ZBTB46: variants seen among roughly 807,000 people sequenced by gnomAD.
ZBTB46 encodes zinc finger and BTB domain-containing protein 46.
ZBTB46 carries 8 observed loss-of-function variants against 44.1 expected under a neutral mutation model. That is an observed-to-expected ratio of 0.18 (90% confidence interval 0.11 to 0.33). ZBTB46 has a LOEUF of 0.33. Among genes scored for constraint, ZBTB46 ranks in the 10% least tolerant of loss-of-function variants. The pLI is 1.00. For missense variants in ZBTB46, 651 were observed against 847.7 expected (o/e 0.77, Z 2.88); for synonymous variants, 409 against 382.3 (o/e 1.07, Z -0.81).
At chr20:63,815,098 A>G (rs575710735) in intron 1 of ZBTB46, 2 of 194,988 alleles carry the variant, frequency 1.0e-5, no homozygotes, top group Non-Finnish European at 2.2e-5. Context: ...GCTATTCTGA[A>G]AAGGGGCCAC....
At chr20:63,794,763 T>C (rs1259175815) in intron 1 of ZBTB46, among the ~76,000 whole-genome samples, 1 of 152,138 alleles carries the variant, frequency 6.6e-6, no homozygotes, top group Non-Finnish European at 1.5e-5. Flanking sequence ...GTATTCTGTG[T>C]GGGAAGCACC....
rs191816081 is a variant in ZBTB46, at chr20:63,758,649, C to T, written c.1223-5788G>A. 5.9e-5 allele frequency among the ~76,000 whole-genome samples: 9 copies of T among 152,196 alleles called. No individual in the cohort carries two copies. In the East Asian group the frequency reaches 7.7e-4, roughly 13 times the overall value. On this transcript the variant is annotated intron_variant, in intron 3 of 4. Coordinates refer to ENST00000245663, the MANE Select transcript of ZBTB46 (RefSeq NM_001369741.1). ...AGCAGTCAGTTTACTCACACACGCA[C>T]GCGCACGGGCACTCACACACCCCTC...
At chr20:63,816,819 G>A (rs1001768260) in intron 1 of ZBTB46, among the ~76,000 whole-genome samples, 2 of 152,136 alleles carry the variant, frequency 1.3e-5, no homozygotes, top group Non-Finnish European at 2.9e-5. Flanking sequence ...AAAGGAAAAG[G>A]CCAGGCCTGG....
At chr20:63,790,881 C>T (rs1394914258) in intron 1 of ZBTB46, 91 bp from the exon 2 acceptor site, 2 of 1,438,582 alleles carry the variant, frequency 1.4e-6, no homozygotes, top group Non-Finnish European at 1.8e-6. Context: ...CCATGGGGCA[C>T]AGAGTGCGGC....
upstream of ZBTB46, among the ~76,000 whole-genome samples, chr20:63,833,868 A>AC (rs2092862594): frequency 6.6e-6 from 1 of 152,216 alleles, no homozygotes; most frequent in Non-Finnish European, 1.5e-5. Flanking sequence ...GAGCTGATAA[A>AC]CCCCATTACT....
chr20:63,830,989 G>C (rs1237320968), intron 1 of ZBTB46, 108 bp downstream of exon 1: 2 of 142,754 alleles, frequency 1.4e-5, no homozygotes, highest in Non-Finnish European at 3.1e-5. Context: ...GGCGGCGGGG[G>C]CGCGCCCGGG....
chr20:63,829,972 T>C (rs929738889), intron 1 of ZBTB46, among the ~76,000 whole-genome samples: 6 of 152,242 alleles, frequency 3.9e-5, no homozygotes, highest in Non-Finnish European at 5.9e-5. Flanking sequence ...ACGTTTCTAA[T>C]TAGCATTTCT....
intron 1 of ZBTB46, among the ~76,000 whole-genome samples, chr20:63,829,142 C>T (rs145473760): frequency 0.01 from 1,554 of 152,290 alleles, 15 homozygotes; most frequent in Middle Eastern, 0.024. Flanking sequence ...CTGTGACCAC[C>T]AGGGGCTGGG....
intron 2 of ZBTB46, among the ~76,000 whole-genome samples, chr20:63,781,881 C>T (rs1317582211): frequency 1.3e-5 from 2 of 151,674 alleles, no homozygotes; most frequent in East Asian, 1.9e-4. Context: ...GTCAGGAGAT[C>T]GAGACCATCC....
rs1450019289 is a variant in ZBTB46, at chr20:63,745,536, C to G, written c.*1394G>C. ...AAACTCTTTCCACGCAGCCCTGAAG[C>G]TCAGCACTCCGGGGGGTCTTCACAC... On this transcript the variant is annotated 3_prime_UTR_variant, in exon 5 of 5. Transcript: ENST00000245663. 1 of 152,318 alleles carries G rather than the reference C, an allele frequency of 6.6e-6. No homozygotes were observed. The highest frequency in any genetic ancestry group is 1.5e-5 in the Non-Finnish European group (1 of 68,086). 9.4% of individuals were successfully genotyped at this position (152,318 alleles called of 1,614,324 possible). A position where few individuals can be genotyped will look rare whatever the true frequency, so the allele number is the denominator to read the frequency against.
intron 3 of ZBTB46, among the ~76,000 whole-genome samples, chr20:63,765,054 T>C (rs1242515777): frequency 7.2e-6 from 1 of 139,602 alleles, no homozygotes; most frequent in Admixed American, 7.2e-5. Context: ...CGTGTGTGTG[T>C]ATGTTTGTAT....
intron 2 of ZBTB46, among the ~76,000 whole-genome samples, chr20:63,785,470 GA>G (rs558671920): frequency 1.9e-3 from 289 of 152,188 alleles, no homozygotes; most frequent in African/African-American, 6.7e-3. Flanking sequence ...TGAGGCAGGA[GA>G]ATCACTTGAA....
At chr20:63,833,808 C>T (rs531560731), upstream of ZBTB46, among the ~76,000 whole-genome samples, 11 of 152,336 alleles carry the variant, frequency 7.2e-5, no homozygotes, top group African/African-American at 2.4e-4. Flanking sequence ...AGAACCAAGA[C>T]CGGTCTCAGA....
chr20:63,811,392 C>T (rs909675580), intron 1 of ZBTB46, among the ~76,000 whole-genome samples: 1 of 152,220 alleles, frequency 6.6e-6, no homozygotes. Context: ...ATACAGAAGA[C>T]ACTACAGCCC....
chr20:63,804,717 C>G (rs1056951667), intron 1 of ZBTB46, among the ~76,000 whole-genome samples: 1 of 151,926 alleles, frequency 6.6e-6, no homozygotes, highest in Non-Finnish European at 1.5e-5. Flanking sequence ...CATGGTGAAA[C>G]CCCGTCTCTA....
At chr20:63,769,033 G>A (rs1038603586) in intron 3 of ZBTB46, among the ~76,000 whole-genome samples, 1 of 152,210 alleles carries the variant, frequency 6.6e-6, no homozygotes, top group African/African-American at 2.4e-5. Context: ...TTGCAAAAGC[G>A]AATAACTCGG....
At position 63,761,145 on chromosome 20, in the gene ZBTB46, C is replaced by A. The variant is rs935683977; in HGVS notation, c.1223-8284G>T. On this transcript the variant is annotated intron_variant, in intron 3 of 4. Coordinates refer to ENST00000245663, the MANE Select transcript of ZBTB46 (RefSeq NM_001369741.1). Reference sequence around the variant, plus strand: ...TCCCGAGTAGCTGGGATTACAGGCACCCACCACCATACCCGGCTAATTTTT... The same window carrying A: ...TCCCGAGTAGCTGGGATTACAGGCAACCACCACCATACCCGGCTAATTTTT... 4.0e-5 allele frequency among the ~76,000 whole-genome samples: 6 copies of A among 149,582 alleles called. 2 individuals carry two copies. The highest frequency in any genetic ancestry group is 7.5e-5 in the Non-Finnish European group (5 of 66,832).
Position 63,746,804 on chromosome 20 carries a change from T to A in ZBTB46, c.*126A>T. ...GGGCTGGTTTCCGTGGGGGGTGGGT[T>A]CAGGGGGAAGCAGAGGAGGGGCCGC... is the stretch of plus-strand genomic sequence containing the variant. On this transcript the variant is annotated 3_prime_UTR_variant, in exon 5 of 5. Coordinates refer to ENST00000245663, the MANE Select transcript of ZBTB46 (RefSeq NM_001369741.1). 7.3e-7 allele frequency: 1 copy of A among 1,377,930 alleles called. No individual in the cohort carries two copies. Among genetic ancestry groups the A allele is most frequent in the Admixed American group, 3.0e-5 (1 of 33,452 alleles). 85.4% of individuals were successfully genotyped at this position (1,377,930 alleles called of 1,614,324 possible).
At chr20:63,766,066 T>G (rs1349006264) in intron 3 of ZBTB46, among the ~76,000 whole-genome samples, 1 of 152,054 alleles carries the variant, frequency 6.6e-6, no homozygotes, top group Non-Finnish European at 1.5e-5. Flanking sequence ...ATGTACCTGC[T>G]TCAACAGCAC....
Sources: allele counts gnomAD v4.1 joint callset (sites outside exome capture counted in the v4.1 genomes callset), GRCh38; gene constraint gnomAD v4.1.1; transcripts MANE v1.5; gene names NCBI Gene and HGNC (gene_info 2026-07-23, HGNC 2026-07-21).